DRC1: variants seen among roughly 807,000 people sequenced by gnomAD.
DRC1 encodes the protein dynein regulatory complex protein 1.
In DRC1, 74 loss-of-function variants were observed where a neutral mutation model predicts 98.7. That is an observed-to-expected ratio of 0.75 (90% CI 0.62 to 0.91). The LOEUF (loss-of-function observed/expected upper bound fraction) is 0.91. Among genes scored for constraint, DRC1 ranks in the 40% least tolerant of loss-of-function variants. The probability of loss-of-function intolerance (pLI) is 0.00; values close to 1 mark genes in which losing one functional copy is unlikely to be tolerated. For missense variants in DRC1, 875 were observed against 886.0 expected (o/e 0.99, Z 0.16); for synonymous variants, 336 against 334.1 (o/e 1.01, Z -0.06).
At chr2:26,439,354 C>T (rs146683961) in intron 7 of DRC1, among the ~76,000 whole-genome samples, 13 of 152,282 alleles carry the variant, frequency 8.5e-5, no homozygotes, top group Admixed American at 2.0e-4. Flanking sequence ...GGCCTTCCCT[C>T]TATCTTGCTT....
intron 13 of DRC1, among the ~76,000 whole-genome samples, chr2:26,452,135 C>T (rs368864470): frequency 4.6e-5 from 7 of 151,818 alleles, no homozygotes; most frequent in Non-Finnish European, 7.4e-5. Context: ...TATAACATAG[C>T]GATGACTGAG....
chr2:26,435,925 G>A (rs543851213), intron 7 of DRC1, among the ~76,000 whole-genome samples: 2 of 152,262 alleles, frequency 1.3e-5, no homozygotes, highest in South Asian at 4.1e-4. Context: ...ACATATGCAT[G>A]CATGTGTCTT....
intron 1 of DRC1, among the ~76,000 whole-genome samples, chr2:26,408,364 C>T (rs901467818): frequency 2.6e-5 from 4 of 152,156 alleles, no homozygotes; most frequent in African/African-American, 9.7e-5. Flanking sequence ...CCAGGACCTT[C>T]CAGCTCTCCT....
intron 2 of DRC1, among the ~76,000 whole-genome samples, chr2:26,418,883 T>C (rs1272146367): frequency 7.1e-6 from 1 of 141,398 alleles, no homozygotes; most frequent in Non-Finnish European, 1.5e-5. Context: ...ATATATTATA[T>C]ATATTATATT....
At chr2:26,411,007 G>A (rs917045314) in intron 1 of DRC1, among the ~76,000 whole-genome samples, 6 of 152,228 alleles carry the variant, frequency 3.9e-5, no homozygotes, top group East Asian at 3.8e-4. Context: ...AATCAACCAA[G>A]TTCCAATTTT....
intron 16 of DRC1, among the ~76,000 whole-genome samples, chr2:26,456,031 G>A (rs1352054579): frequency 1.3e-5 from 2 of 152,222 alleles, no homozygotes; most frequent in African/African-American, 4.8e-5. Context: ...GCTGAAAGTG[G>A]GATGTTGTAG....
intron 1 of DRC1, among the ~76,000 whole-genome samples, chr2:26,410,569 G>T (rs550862712): frequency 6.8e-4 from 104 of 152,200 alleles, no homozygotes; most frequent in African/African-American, 2.3e-3. Flanking sequence ...ACTGCACCCA[G>T]CCAGAGAAAA....
chr2:26,406,022 C>T (rs918652725), intron 1 of DRC1, among the ~76,000 whole-genome samples: 2 of 152,104 alleles, frequency 1.3e-5, no homozygotes, highest in Admixed American at 1.3e-4. Flanking sequence ...CCATTCTGTA[C>T]CATTTCAATG....
At chr2:26,420,763 C>CTTTTTTTTT (rs1663116827) in intron 2 of DRC1, among the ~76,000 whole-genome samples, 1 of 145,994 alleles carries the variant, frequency 6.8e-6, no homozygotes, top group African/African-American at 2.5e-5. Context: ...TCTTTTTCTT[C>CTTTTTTTTT]TTCTTTTTTT....
At chr2:26,428,909 T>C (rs2147990213) in intron 4 of DRC1, among the ~76,000 whole-genome samples, 1 of 152,264 alleles carries the variant, frequency 6.6e-6, no homozygotes, top group African/African-American at 2.4e-5. Flanking sequence ...TTACAGCAAA[T>C]GCTGTTCCAG....
At chr2:26,425,136 AT>A (rs1012268791) in intron 4 of DRC1, among the ~76,000 whole-genome samples, 1 of 152,016 alleles carries the variant, frequency 6.6e-6, no homozygotes, top group African/African-American at 2.4e-5. Flanking sequence ...TGTTTCTGTG[AT>A]TTTGACTACT....
rs532218367 is a variant in DRC1 at position 26,437,182 on chromosome 2, C to A, written c.889-3196C>A. Among the ~76,000 whole-genome samples, 218 of 152,276 alleles carry A rather than the reference C, an allele frequency of 1.4e-3. 3 individuals carry two copies. In the South Asian group the frequency reaches 0.045, roughly 31 times the overall value. ...AATCATTGCAACTTTGCAAGAAGAG[C>A]TTCTGAGAATCCCTTTCCTGGGAGA... On this transcript the variant is annotated intron_variant, in intron 7 of 16. Coordinates refer to ENST00000288710, the MANE Select transcript of DRC1 (RefSeq NM_145038.5).
At position 26,448,804 on chromosome 2, in the gene DRC1, G is replaced by T. The variant is rs1256950645; in HGVS notation, c.1509+1G>T. ...CCTGATGCTCCTGTGTGACGAGTCG[G>T]TGAGGCCAGGCGGGGGCTGCAGCAG... On this transcript the variant is annotated splice_donor_variant, in intron 11 of 16. Transcript: ENST00000288710. LOFTEE classifies it high-confidence loss of function. 4 of 1,614,054 alleles carry T rather than the reference G, an allele frequency of 2.5e-6. No homozygotes were observed. In the Admixed American group the frequency reaches 5.0e-5, roughly 20 times the overall value.
In DRC1 at chr2:26,448,717, G is replaced by A. The variant is rs372509418; in HGVS notation, c.1423G>A (p.Ala475Thr). The change falls in exon 11 of 17, where the codon GCG becomes ACG. Residue 475 changes from alanine to threonine, a missense_variant. Ala to Thr is a moderately conservative substitution (Grantham distance 58, BLOSUM62 0). Coordinates refer to ENST00000288710, the MANE Select transcript of DRC1 (RefSeq NM_145038.5). ...SEEEEAEEAA[A>T]EPESYLDLPK... ...AGAGGAGGAGGCAGAAGAGGCCGCC[G>A]CGGAACCAGAGTCCTACCTGGATTT... is the stretch of plus-strand genomic sequence containing the variant. 2.8e-5 allele frequency: 46 copies of A among 1,614,076 alleles called. No homozygotes were observed. Among genetic ancestry groups the A allele is most frequent in the South Asian group, 4.4e-5 (4 of 91,084 alleles).
rs982092406 is a variant in DRC1, at chr2:26,454,021, C to T, written c.1919+472C>T. On this transcript the variant is annotated intron_variant, in intron 14 of 16. Coordinates refer to ENST00000288710, the MANE Select transcript of DRC1 (RefSeq NM_145038.5). This position sits in a 1 kb window ranked among gnomAD's most constrained non-coding sequence, Gnocchi z 5.2. ...AAGGTCTGGTCTGTTCAAGAATCAT[C>T]ACAGGAGGTCTGGCTGGAGTGTCAA... Among the ~76,000 whole-genome samples, 2 of 152,188 alleles carry T rather than the reference C, an allele frequency of 1.3e-5. No homozygotes were observed. The highest frequency in any genetic ancestry group is 1.3e-4 in the Admixed American group (2 of 15,280).
At position 26,456,475 on chromosome 2, in the gene DRC1, G is replaced by C; in HGVS notation, c.2181G>C (p.Leu727=). ...TTCTTTTCCAGATCAACTCTGAACTGCAAGTTCCTCCCACTCAGGTGTTGC... is the reference window on the plus strand; with the variant it reads ...TTCTTTTCCAGATCAACTCTGAACTCCAAGTTCCTCCCACTCAGGTGTTGC... ...QYLNSKINSE[L]QVPPTQVLRV... is the part of the protein sequence containing the mutation. Residue 727 remains leucine (L), a synonymous_variant, in exon 17 of 17, where the codon CTG becomes CTC. Transcript: ENST00000288710. The C allele has an allele frequency of 4.3e-6, 7 of 1,614,172 alleles. No homozygotes were observed. Among genetic ancestry groups the C allele is most frequent in the Non-Finnish European group, 5.9e-6 (7 of 1,180,006 alleles).
At position 26,450,183 on chromosome 2, in the gene DRC1, TCTCCCGGGGC is replaced by T. The variant is rs1167275024; in HGVS notation, c.1599+99_1599+108del. The T allele has an allele frequency of 3.4e-6, 4 of 1,178,418 alleles. No individual in the cohort carries two copies. In the African/African-American group the frequency reaches 6.1e-5, roughly 18 times the overall value. 73.0% of individuals were successfully genotyped at this position (1,178,418 alleles called of 1,614,324 possible). On this transcript the variant is annotated intron_variant, in intron 12 of 16. Coordinates refer to ENST00000288710, the MANE Select transcript of DRC1 (RefSeq NM_145038.5). ...CCTCAACCCTGGCAGTGGACGAGGG[TCTCCCGGGGC>T]TTCCCCTGCTCCCTGTCACATCCTT...
intron 10 of DRC1, among the ~76,000 whole-genome samples, chr2:26,447,579 G>T (rs1663890123): frequency 6.6e-6 from 1 of 151,522 alleles, no homozygotes; most frequent in Admixed American, 6.6e-5. Flanking sequence ...TTTTATTTTT[G>T]TCTTTTTGAG....
At chr2:26,449,227 G>C (rs568300569) in intron 11 of DRC1, among the ~76,000 whole-genome samples, 2 of 152,374 alleles carry the variant, frequency 1.3e-5, no homozygotes, top group South Asian at 4.1e-4. Flanking sequence ...TGTCTGCATT[G>C]TATGTTAGCA....
Sources: gnomAD v4.1 joint callset for allele counts (sites outside exome capture counted in the v4.1 genomes callset) on GRCh38, gnomAD v4.1.1 for gene constraint, Gnocchi (gnomAD v3.1) non-coding constraint, MANE v1.5 for transcripts, NCBI Gene and HGNC (gene_info 2026-07-23, HGNC 2026-07-21) for gene names.